Variants in MBD5 observed in about 807,000 individuals in gnomAD.
MBD5 encodes the protein methyl-CpG binding domain protein 5.
In MBD5, 13 loss-of-function variants were observed where a neutral mutation model predicts 117.3. That is an observed-to-expected ratio of 0.11 (90% CI 0.07 to 0.18). The LOEUF is 0.18. Ranked by LOEUF, MBD5 falls within the 10% of genes least tolerant of loss-of-function variation. The pLI is 1.00. For synonymous variants in MBD5, 727 were observed against 766.4 expected, an observed-to-expected ratio of 0.95 and a Z score of 0.85; for missense variants, 1,879 against 2,093.8, an observed-to-expected ratio of 0.90 and a Z score of 2.00.
intron 2 of MBD5, among the ~76,000 whole-genome samples, chr2:148,187,191 C>T (rs1253573807): frequency 6.6e-6 from 1 of 152,074 alleles, no homozygotes; most frequent in Non-Finnish European, 1.5e-5. Context: ...TGTGGATAGC[C>T]ACTGCATTCC....
chr2:148,197,263 T>C (rs1005557542), intron 2 of MBD5, among the ~76,000 whole-genome samples: 1 of 152,136 alleles, frequency 6.6e-6, no homozygotes, highest in Non-Finnish European at 1.5e-5. Context: ...ACACCAAGCA[T>C]GTGATGGAGC....
chr2:148,253,327 A>C (rs1440444536), intron 3 of MBD5, among the ~76,000 whole-genome samples: 2 of 152,210 alleles, frequency 1.3e-5, no homozygotes, highest in Non-Finnish European at 2.9e-5. Flanking sequence ...TGTAATGTAC[A>C]ATAGGAAAAC....
intron 1 of MBD5, among the ~76,000 whole-genome samples, chr2:148,116,991 A>G (rs1370102628): frequency 1.3e-5 from 2 of 152,190 alleles, no homozygotes; most frequent in Admixed American, 6.5e-5. Context: ...ATTAAGGTAG[A>G]TCAGTCATTC....
At chr2:148,367,679 A>T (rs543169726) in intron 4 of MBD5, among the ~76,000 whole-genome samples, 1 of 152,348 alleles carries the variant, frequency 6.6e-6, no homozygotes, top group East Asian at 1.9e-4. Flanking sequence ...ATATGAACAG[A>T]TATTTCTCAA....
At chr2:148,285,728 AT>A (rs1031973453) in intron 3 of MBD5, among the ~76,000 whole-genome samples, 4 of 151,096 alleles carry the variant, frequency 2.6e-5, no homozygotes, top group Non-Finnish European at 4.4e-5. Context: ...AATTCACCGC[AT>A]TTTTTTTTAA....
intron 1 of MBD5, among the ~76,000 whole-genome samples, chr2:148,167,529 T>A (rs1426341384): frequency 3.3e-5 from 5 of 152,198 alleles, no homozygotes; most frequent in South Asian, 2.1e-4. Context: ...TAGATTTTTT[T>A]AAAAACATTG....
intron 2 of MBD5, among the ~76,000 whole-genome samples, chr2:148,206,119 G>A (rs1180016955): frequency 6.8e-6 from 1 of 147,166 alleles, no homozygotes; most frequent in Non-Finnish European, 1.5e-5. Context: ...GTGAGACCCT[G>A]TCTCAAAAAA....
intron 3 of MBD5, among the ~76,000 whole-genome samples, chr2:148,251,875 C>T (rs1209547048): frequency 6.6e-5 from 10 of 152,130 alleles, no homozygotes; most frequent in Admixed American, 4.6e-4. Flanking sequence ...CTTGCTATCA[C>T]GAGTGAGATA....
intron 4 of MBD5, among the ~76,000 whole-genome samples, chr2:148,397,915 T>A (rs1192367492): frequency 6.6e-6 from 1 of 152,060 alleles, no homozygotes; most frequent in Non-Finnish European, 1.5e-5. Context: ...TGGTTTTTTG[T>A]CTTTTGCGAT....
chr2:148,224,463 C>T (rs1443926469), intron 2 of MBD5, among the ~76,000 whole-genome samples: 1 of 151,330 alleles, frequency 6.6e-6, no homozygotes, highest in Non-Finnish European at 1.5e-5. Flanking sequence ...CTGCCTCAGC[C>T]TCTTGAGTAG....
Position 148,028,856 on chromosome 2 carries a change from G to T in MBD5, c.-925+7172G>T, listed in dbSNP as rs181358952. Among the ~76,000 whole-genome samples, 626 of 152,136 alleles carry T rather than the reference G, an allele frequency of 4.1e-3. 2 individuals are homozygous for T. Among genetic ancestry groups the T allele is most frequent in the Non-Finnish European group, 5.7e-3 (389 of 67,896 alleles). On this transcript the variant is annotated intron_variant, in intron 1 of 13. Coordinates refer to ENST00000642680, the MANE Select transcript of MBD5 (RefSeq NM_001378120.1). ...AATATTCAGAGGCTATTTTTTTAGT[G>T]TTATTCCAAAATCATTTTCCTTCTA...
chr2:148,189,257 A>C (rs976212212), intron 2 of MBD5, among the ~76,000 whole-genome samples: 1 of 147,620 alleles, frequency 6.8e-6, no homozygotes, highest in Admixed American at 6.7e-5. Flanking sequence ...AGCCCACCAC[A>C]GCTCAAGGAG....
chr2:148,178,469 T>G (rs1698439974), intron 1 of MBD5, among the ~76,000 whole-genome samples: 1 of 152,220 alleles, frequency 6.6e-6, no homozygotes. Context: ...AGTACTCAAC[T>G]CTGTGACATG....
In MBD5 at chr2:148,458,770, C is replaced by T; in HGVS notation, c.12C>T (p.Gly4=). Residue 4 remains glycine (G), a synonymous_variant, in exon 5 of 14, where the codon GGC becomes GGT. Coordinates refer to ENST00000642680, the MANE Select transcript of MBD5 (RefSeq NM_001378120.1). MNG[G]KECDGGDKEG... is the part of the protein sequence containing the mutation. ...AGCAGACACAGAAAATGAATGGAGGCAAAGAGTGTGACGGAGGGGACAAGG... is the reference window on the plus strand; with the variant it reads ...AGCAGACACAGAAAATGAATGGAGGTAAAGAGTGTGACGGAGGGGACAAGG... 1 of 1,613,214 alleles carries T rather than the reference C, an allele frequency of 6.2e-7. No individual in the cohort carries two copies. Among genetic ancestry groups the T allele is most frequent in the South Asian group, 1.1e-5 (1 of 91,066 alleles).
intron 1 of MBD5, among the ~76,000 whole-genome samples, chr2:148,128,456 ATTAGAG>A (rs1489082983): frequency 6.6e-6 from 1 of 152,174 alleles, no homozygotes; most frequent in African/African-American, 2.4e-5. Flanking sequence ...TCACACATTA[ATTAGAG>A]TTGGAGCAAA....
chr2:148,378,727 T>C (rs1704054706), intron 4 of MBD5, among the ~76,000 whole-genome samples: 1 of 152,092 alleles, frequency 6.6e-6, no homozygotes, highest in African/African-American at 2.4e-5. Context: ...TTAGTACCCA[T>C]ATTCTAATTA....
chr2:148,097,215 A>G (rs1420899966), intron 1 of MBD5, among the ~76,000 whole-genome samples: 2 of 152,260 alleles, frequency 1.3e-5, no homozygotes, highest in East Asian at 1.9e-4. Flanking sequence ...GAAAAATACT[A>G]GAAGATAAAC....
intron 4 of MBD5, among the ~76,000 whole-genome samples, chr2:148,450,426 A>G (rs1193848168): frequency 2.0e-5 from 3 of 152,130 alleles, no homozygotes; most frequent in African/African-American, 7.2e-5. Context: ...TTGAAATAAT[A>G]TTTTTGATTC....
chr2:148,041,065 G>A (rs1395447715), intron 1 of MBD5: 4 of 152,236 alleles, frequency 2.6e-5, no homozygotes, highest in East Asian at 1.9e-4. Context: ...GGGCTTAAGT[G>A]ATCCTCTAAC....
Sources: gnomAD v4.1 joint callset for allele counts (sites outside exome capture counted in the v4.1 genomes callset) on GRCh38, gnomAD v4.1.1 for gene constraint, MANE v1.5 for transcripts, NCBI Gene and HGNC (gene_info 2026-07-23, HGNC 2026-07-21) for gene names.